Variants in CPLX1 observed in about 807,000 individuals in gnomAD.
CPLX1 encodes complexin-1.
CPLX1 carries 6 observed loss-of-function variants against 15.6 expected under a neutral mutation model. The observed-to-expected ratio is 0.39, with a 90% confidence interval of 0.21 to 0.76. The LOEUF (loss-of-function observed/expected upper bound fraction) is 0.76, where lower values mean the gene tolerates loss of function less well. CPLX1 is among the 30% of genes least tolerant of loss of function. The probability of loss-of-function intolerance (pLI) is 0.43; values close to 1 mark genes in which losing one functional copy is unlikely to be tolerated. For missense variants in CPLX1, 242 were observed against 188.6 expected, an observed-to-expected ratio of 1.28 and a Z score of -1.66; for synonymous variants, 91 against 75.2, an observed-to-expected ratio of 1.21 and a Z score of -1.08.
chr4:790,392 C>T (rs1050493943), intron 3 of CPLX1, among the ~76,000 whole-genome samples: 34 of 152,274 alleles, frequency 2.2e-4, no homozygotes, highest in Admixed American at 1.9e-3. Context: ...GAGCCCTGCA[C>T]CCCAGCTGCC....
Position 825,446 on chromosome 4 carries a change from C to G in CPLX1, c.-80+600G>C, listed in dbSNP as rs114750752. On this transcript the variant is annotated intron_variant, in intron 1 of 3. Transcript: ENST00000304062. ...GCCCCTCGGAGGCTTTGCCGCAGCG[C>G]CGATTCTCCTCCAAACTTCTCCCCT... Among the ~76,000 whole-genome samples the G allele has an allele frequency of 2.9e-3, 438 of 151,718 alleles. 4 individuals are homozygous for G. Among genetic ancestry groups the G allele is most frequent in the South Asian group, 4.6e-3 (22 of 4,802 alleles).
At chr4:788,426 G>A in intron 3 of CPLX1, 1 of 985,444 alleles carries the variant, frequency 1.0e-6, no homozygotes, top group Non-Finnish European at 1.2e-6. Flanking sequence ...CCTGGCCACT[G>A]AGGAGAGAGG....
intron 3 of CPLX1, among the ~76,000 whole-genome samples, chr4:789,242 C>A (rs1414792148): frequency 2.6e-5 from 4 of 152,122 alleles, no homozygotes; most frequent in African/African-American, 9.7e-5. Context: ...GAGACAAACG[C>A]CCAGGCACAC....
In CPLX1 at chr4:824,553, C is replaced by G. The variant is rs1746937499; in HGVS notation, c.-31G>C. 5 of 1,612,328 alleles carry G rather than the reference C, an allele frequency of 3.1e-6. No homozygotes were observed. Among genetic ancestry groups the G allele is most frequent in the Middle Eastern group, 1.7e-4 (1 of 6,060 alleles). ...TTGCTCTGCTTCCACAGTGGCTCCT[C>G]CAGGGGTCAGAACTCACACGCAAGT... On this transcript the variant is annotated 5_prime_UTR_variant, in exon 2 of 4. Coordinates refer to ENST00000304062, the MANE Select transcript of CPLX1 (RefSeq NM_006651.4).
chr4:798,446 C>T (rs1246682692), intron 2 of CPLX1, among the ~76,000 whole-genome samples: 1 of 152,180 alleles, frequency 6.6e-6, no homozygotes, highest in Non-Finnish European at 1.5e-5. Flanking sequence ...GGGTCTTGCT[C>T]CGTTGCCCAG....
At chr4:794,361 G>A (rs1746272412) in intron 2 of CPLX1, among the ~76,000 whole-genome samples, 1 of 152,234 alleles carries the variant, frequency 6.6e-6, no homozygotes, top group Non-Finnish European at 1.5e-5. Context: ...TCGCTGCTGG[G>A]GACAGGCAGG....
At chr4:792,695 C>A in intron 2 of CPLX1, 87 bp from the exon 3 acceptor site, 1 of 1,437,946 alleles carries the variant, frequency 7.0e-7, no homozygotes, top group Non-Finnish European at 9.4e-7. Flanking sequence ...CACCTTCTGG[C>A]CGACCCCCCA....
chr4:825,590 C>T (rs1300672940), intron 1 of CPLX1, among the ~76,000 whole-genome samples: 1 of 151,832 alleles, frequency 6.6e-6, no homozygotes, highest in African/African-American at 2.4e-5. Context: ...CAGGCGGGAG[C>T]GCGCCAGGAG....
At chr4:808,001 T>C (rs1215607750) in intron 2 of CPLX1, among the ~76,000 whole-genome samples, 3 of 152,164 alleles carry the variant, frequency 2.0e-5, no homozygotes, top group African/African-American at 7.2e-5. Context: ...GGTGCGGCGG[T>C]CACACCTGTC....
At chr4:818,545 T>C (rs1487527462) in intron 2 of CPLX1, among the ~76,000 whole-genome samples, 1 of 152,226 alleles carries the variant, frequency 6.6e-6, no homozygotes. Context: ...TCACCTGGGA[T>C]GAGACGCTGA....
intron 2 of CPLX1, among the ~76,000 whole-genome samples, chr4:793,837 T>C (rs1473515847): frequency 6.6e-6 from 1 of 152,164 alleles, no homozygotes; most frequent in Non-Finnish European, 1.5e-5. Context: ...CCAGACCTCC[T>C]AAGGACTGCC....
chr4:792,842 C>T (rs894302554), intron 2 of CPLX1: 3 of 527,482 alleles, frequency 5.7e-6, no homozygotes, highest in Admixed American at 3.5e-5. Flanking sequence ...TTCTGTTCCT[C>T]AAGAGACACA....
At chr4:786,761 C>CT in intron 3 of CPLX1, 63 bp from the exon 4 acceptor site, 1 of 1,525,400 alleles carries the variant, frequency 6.6e-7, no homozygotes, top group Non-Finnish European at 8.8e-7. Context: ...CGCAGCCTCC[C>CT]TGCGCCAGGG....
At chr4:789,090 A>C (rs1365344541) in intron 3 of CPLX1, among the ~76,000 whole-genome samples, 9 of 152,204 alleles carry the variant, frequency 5.9e-5, no homozygotes, top group Admixed American at 2.0e-4. Context: ...GCTCCAGGTC[A>C]TTCTGAGGCT....
chr4:804,635 C>A (rs985878395), intron 2 of CPLX1: 15 of 675,022 alleles, frequency 2.2e-5, no homozygotes, highest in African/African-American at 1.9e-4. Flanking sequence ...CGGATCGCAC[C>A]TTCAGCTTAA....
In CPLX1 at chr4:795,362, G is replaced by T. The variant is rs910706004; in HGVS notation, c.32-2754C>A. On this transcript the variant is annotated intron_variant, in intron 2 of 3. Transcript: ENST00000304062. ...GCCGGCCTCGACCTCGACACCCCGCGACCCCGCCGGACCCTGGAAGCATGA... is the reference window on the plus strand; with the variant it reads ...GCCGGCCTCGACCTCGACACCCCGCTACCCCGCCGGACCCTGGAAGCATGA... Among the ~76,000 whole-genome samples, 3 of 152,142 alleles carry T rather than the reference G, an allele frequency of 2.0e-5. No individual in the cohort carries two copies. The East Asian group carries it at 5.8e-4, about 29-fold the overall frequency.
At chr4:817,714 C>A in intron 2 of CPLX1, among the ~76,000 whole-genome samples, 1 of 150,840 alleles carries the variant, frequency 6.6e-6, no homozygotes, top group Middle Eastern at 3.5e-3. Flanking sequence ...TGACCGCCCC[C>A]TTCCCTCACG....
intron 2 of CPLX1, among the ~76,000 whole-genome samples, chr4:821,250 C>T (rs917085021): frequency 7.2e-5 from 11 of 152,184 alleles, no homozygotes; most frequent in Non-Finnish European, 1.3e-4. Flanking sequence ...TGGACCTGCC[C>T]GCTAGACCTC....
At chr4:792,680 T>C (rs1746220393) in intron 2 of CPLX1, 72 bp from the exon 3 acceptor site, 2 of 1,483,936 alleles carry the variant, frequency 1.3e-6, no homozygotes, top group Non-Finnish European at 1.8e-6. Flanking sequence ...TCAGCCACAC[T>C]CCCCCACCTT....
Sources: gnomAD v4.1 joint callset for allele counts (sites outside exome capture counted in the v4.1 genomes callset) on GRCh38, gnomAD v4.1.1 for gene constraint, MANE v1.5 for transcripts, NCBI Gene and HGNC (gene_info 2026-07-23, HGNC 2026-07-21) for gene names.